Variants in RANBP17 observed in about 807,000 individuals in gnomAD.
The protein encoded by RANBP17 is ran-binding protein 17.
A neutral mutation model predicts 141.2 loss-of-function variants in RANBP17; 158 were observed. The observed-to-expected ratio is 1.12, with a 90% CI of 0.98 to 1.28. The LOEUF is 1.28. Among genes scored for constraint, RANBP17 ranks in the 50% most tolerant of loss-of-function variants. RANBP17 has a pLI of 0.00. For missense variants in RANBP17, 1,438 were observed against 1,290.7 expected, an observed-to-expected ratio of 1.11 and a Z score of -1.75; for synonymous variants, 430 against 450.0, an observed-to-expected ratio of 0.96 and a Z score of 0.56.
chr5:171,004,294 G>A (rs886173129), intron 14 of RANBP17, among the ~76,000 whole-genome samples: 9 of 152,130 alleles, frequency 5.9e-5, no homozygotes, highest in African/African-American at 2.2e-4. Context: ...GGGAAGAAGG[G>A]TGGCAATGAG....
At chr5:171,061,021 T>G (rs1434359399) in intron 14 of RANBP17, among the ~76,000 whole-genome samples, 1 of 151,524 alleles carries the variant, frequency 6.6e-6, no homozygotes, top group Non-Finnish European at 1.5e-5. Context: ...CCTTTATCAT[T>G]TTTTATTGTG....
At chr5:171,089,552 C>T (rs1786039315) in intron 14 of RANBP17, among the ~76,000 whole-genome samples, 1 of 151,988 alleles carries the variant, frequency 6.6e-6, no homozygotes, top group Non-Finnish European at 1.5e-5. Context: ...GCGCCCCTCC[C>T]CCGGCCTCGC....
chr5:170,945,257 A>T (rs1774656702), intron 12 of RANBP17, among the ~76,000 whole-genome samples: 1 of 152,192 alleles, frequency 6.6e-6, no homozygotes, highest in Admixed American at 6.5e-5. Flanking sequence ...GAACTTAAAA[A>T]TTCTTATTGT....
At chr5:171,173,710 T>G (rs892131463) in intron 16 of RANBP17, among the ~76,000 whole-genome samples, 1 of 152,146 alleles carries the variant, frequency 6.6e-6, no homozygotes, top group African/African-American at 2.4e-5. Flanking sequence ...AGCATCGGAA[T>G]GTGAGTGCTT....
chr5:171,114,944 T>A (rs984173371), intron 14 of RANBP17, among the ~76,000 whole-genome samples: 4 of 151,782 alleles, frequency 2.6e-5, no homozygotes, highest in Non-Finnish European at 5.9e-5. Flanking sequence ...TGAAACCCTG[T>A]CTCTACAAAA....
chr5:170,999,096 C>T (rs1317309187), intron 14 of RANBP17, among the ~76,000 whole-genome samples: 1 of 151,822 alleles, frequency 6.6e-6, no homozygotes, highest in Non-Finnish European at 1.5e-5. Context: ...AGAATCTAGG[C>T]CTTTATTTTC....
intron 14 of RANBP17, among the ~76,000 whole-genome samples, chr5:170,977,724 G>A (rs2127544212): frequency 6.6e-6 from 1 of 152,174 alleles, no homozygotes; most frequent in East Asian, 1.9e-4. Context: ...ATTACGCTAA[G>A]TCAAATAAGC....
chr5:171,186,746 C>T (rs1474300191), intron 18 of RANBP17, among the ~76,000 whole-genome samples: 7 of 150,062 alleles, frequency 4.7e-5, no homozygotes, highest in South Asian at 2.1e-4. Context: ...CCGTTTTAGC[C>T]GGGATGGTCT....
intron 11 of RANBP17, among the ~76,000 whole-genome samples, chr5:170,921,622 A>G (rs1772474103): frequency 6.6e-6 from 1 of 152,164 alleles, no homozygotes; most frequent in African/African-American, 2.4e-5. Context: ...CAATTCTGCG[A>G]AGAAAGTCAG....
intron 14 of RANBP17, among the ~76,000 whole-genome samples, chr5:171,012,263 C>T (rs1270372102): frequency 1.3e-5 from 2 of 152,000 alleles, no homozygotes; most frequent in Non-Finnish European, 2.9e-5. Context: ...AAACAGCAAC[C>T]TTAAGTTCAT....
intron 1 of RANBP17, among the ~76,000 whole-genome samples, chr5:170,874,545 C>T (rs1561844889): frequency 6.6e-6 from 1 of 151,906 alleles, no homozygotes; most frequent in Non-Finnish European, 1.5e-5. Context: ...TAGGATAGCT[C>T]ATTATGTTGA....
chr5:170,939,348 CA>C (rs1774136501), intron 12 of RANBP17, among the ~76,000 whole-genome samples: 1 of 150,578 alleles, frequency 6.6e-6, no homozygotes, highest in Admixed American at 6.6e-5. Context: ...TTGGTAAACT[CA>C]AAAATTTTAT....
intron 21 of RANBP17, among the ~76,000 whole-genome samples, chr5:171,219,193 T>C (rs1046887496): frequency 2.6e-5 from 4 of 152,222 alleles, no homozygotes; most frequent in Non-Finnish European, 5.9e-5. Flanking sequence ...GAGAATTCTT[T>C]TCTTTAAGAA....
At chr5:171,033,292 A>T (rs1403203349) in intron 14 of RANBP17, among the ~76,000 whole-genome samples, 1 of 152,204 alleles carries the variant, frequency 6.6e-6, no homozygotes, top group African/African-American at 2.4e-5. Context: ...GTTGAAATAA[A>T]TGTATTAATG....
intron 14 of RANBP17, among the ~76,000 whole-genome samples, chr5:171,110,202 T>C (rs2127757399): frequency 6.6e-6 from 1 of 152,158 alleles, no homozygotes; most frequent in South Asian, 2.1e-4. Flanking sequence ...CTCTGTGACA[T>C]TGGACAAATA....
At chr5:171,279,488 C>T (rs1393437254) in intron 25 of RANBP17, among the ~76,000 whole-genome samples, 1 of 152,116 alleles carries the variant, frequency 6.6e-6, no homozygotes, top group African/African-American at 2.4e-5. Context: ...TTATAAAGAA[C>T]CAATCCCAGA....
intron 14 of RANBP17, among the ~76,000 whole-genome samples, chr5:171,046,706 A>T (rs966890554): frequency 6.6e-6 from 1 of 152,190 alleles, no homozygotes; most frequent in East Asian, 1.9e-4. Context: ...AAAAAAATAC[A>T]CAAAATTATA....
intron 1 of RANBP17, among the ~76,000 whole-genome samples, chr5:170,872,313 T>TTGTCTATTGTTGG (rs1382560004): frequency 6.6e-6 from 1 of 152,198 alleles, no homozygotes; most frequent in Non-Finnish European, 1.5e-5. Context: ...GGCTGTCTGC[T>TTGTCTATTGTTGG]TGTCTATTGT....
At chr5:170,936,340 A>T (rs1276285640) in intron 12 of RANBP17, among the ~76,000 whole-genome samples, 2 of 152,130 alleles carry the variant, frequency 1.3e-5, no homozygotes, top group East Asian at 3.9e-4. Context: ...AAATGCAGAA[A>T]TCACCTGTCT....
Sources: allele counts gnomAD v4.1 joint callset (sites outside exome capture counted in the v4.1 genomes callset), GRCh38; gene constraint gnomAD v4.1.1; transcripts MANE v1.5; gene names NCBI Gene and HGNC (gene_info 2026-07-23, HGNC 2026-07-21).